The following GPSM2 variants were observed in gnomAD, a reference collection of about 807,000 sequenced individuals.
GPSM2 encodes G protein signaling modulator 2, also known as G protein-signaling modulator 2.
In GPSM2, 58 loss-of-function variants were observed where a neutral mutation model predicts 78.4. The ratio of observed to expected loss-of-function variants is 0.74; its 90% CI spans 0.60 to 0.92. The LOEUF is 0.92. GPSM2 is among the 40% of genes least tolerant of loss of function. GPSM2 has a pLI of 0.00. For missense variants in GPSM2, 700 were observed against 815.5 expected, an observed-to-expected ratio of 0.86 and a Z score of 1.73; for synonymous variants, 224 against 280.2, an observed-to-expected ratio of 0.80 and a Z score of 2.00.
At chr1:108,911,278 A>C (rs945922395) in intron 10 of GPSM2, among the ~76,000 whole-genome samples, 11 of 152,196 alleles carry the variant, frequency 7.2e-5, no homozygotes, top group Admixed American at 7.2e-4. Context: ...CTGTAATCCC[A>C]GCACTTTGGG....
intron 1 of GPSM2, among the ~76,000 whole-genome samples, chr1:108,880,364 G>T (rs1665831262): frequency 6.6e-6 from 1 of 152,196 alleles, no homozygotes; most frequent in Non-Finnish European, 1.5e-5. Context: ...AGGGGCCCAG[G>T]TGGGCGGATC....
intron 12 of GPSM2, among the ~76,000 whole-genome samples, chr1:108,919,097 T>G (rs899691673): frequency 4.6e-5 from 7 of 151,968 alleles, no homozygotes; most frequent in African/African-American, 1.7e-4. Flanking sequence ...GACCTCTGCC[T>G]CCCGGGTTCA....
In GPSM2 at chr1:108,897,092, A is replaced by C; in HGVS notation, c.278+7A>C. On this transcript the variant is annotated splice_region_variant and intron_variant, in intron 3 of 14. Coordinates refer to ENST00000264126, the MANE Select transcript of GPSM2 (RefSeq NM_013296.5). ...ATGATTTAACCCTTGCAAGGTAATT[A>C]ATTTAAGCTTTTAAATATTCTTCCT... is the stretch of plus-strand genomic sequence containing the variant. 1.9e-6 allele frequency: 3 copies of C among 1,552,684 alleles called. No homozygotes were observed. Among genetic ancestry groups the C allele is most frequent in the Non-Finnish European group, 2.7e-6 (3 of 1,125,430 alleles).
intron 1 of GPSM2, among the ~76,000 whole-genome samples, chr1:108,879,824 G>C (rs1466153726): frequency 6.6e-6 from 1 of 151,930 alleles, no homozygotes; most frequent in Non-Finnish European, 1.5e-5. Flanking sequence ...CAAAAAAAAA[G>C]GGGGGGCTGA....
intron 9 of GPSM2, among the ~76,000 whole-genome samples, chr1:108,903,683 G>A (rs1310341549): frequency 2.0e-5 from 3 of 152,122 alleles, no homozygotes; most frequent in South Asian, 2.1e-4. Flanking sequence ...GTGTTATAAC[G>A]ATTAGAGCTA....
At chr1:108,897,754 A>G (rs1186420417) in intron 4 of GPSM2, 127 bp downstream of exon 4, 20 of 1,014,588 alleles carry the variant, frequency 2.0e-5, no homozygotes, top group East Asian at 1.9e-4. Context: ...TTATAGACTA[A>G]TAGAAGTAAA....
rs1570914167 is a variant in GPSM2, at chr1:108,904,121, G to C, written c.1063-4G>C. On this transcript the variant is annotated splice_region_variant and splice_polypyrimidine_tract_variant and intron_variant, in intron 9 of 14. Transcript: ENST00000264126. ...ACTCTAAAATATAAATGTTTGTGTT[G>C]TAGGTTGGGGATAAAAGTGGTGAAC... is the stretch of plus-strand genomic sequence containing the variant. 1.9e-6 allele frequency: 3 copies of C among 1,586,592 alleles called. No homozygotes were observed. Among genetic ancestry groups the C allele is most frequent in the Non-Finnish European group, 2.6e-6 (3 of 1,156,292 alleles).
chr1:108,931,161 TAAAAACA>T lies in GPSM2; in HGVS notation c.*1232_*1238del, dbSNP rs919909064. 7.1e-6 allele frequency: 5 copies of T among 704,076 alleles called. No homozygotes were observed. The highest frequency in any genetic ancestry group is 5.5e-5 in the African/African-American group (3 of 54,704). 43.6% of individuals were successfully genotyped at this position (704,076 alleles called of 1,614,324 possible). ...AAACAAACTTTTCTAAGTTCTAATA[TAAAAACA>T]AAAAACAAAACCCATGTGGTTAGGT... On this transcript the variant is annotated 3_prime_UTR_variant, in exon 15 of 15. Transcript: ENST00000264126.
chr1:108,909,053 C>G (rs1649497213), intron 10 of GPSM2, among the ~76,000 whole-genome samples: 1 of 152,086 alleles, frequency 6.6e-6, no homozygotes, highest in Admixed American at 6.5e-5. Flanking sequence ...GTGGGAGGAT[C>G]ACTTGAGCCC....
At chr1:108,908,629 C>G (rs34679756) in intron 10 of GPSM2, among the ~76,000 whole-genome samples, 19,084 of 150,562 alleles carry the variant, frequency 0.13, 1,276 homozygotes, top group Middle Eastern at 0.16. Context: ...GAGCCGAGAT[C>G]GCGCCACTGC....
At chr1:108,918,033 C>G (rs371867194) in intron 11 of GPSM2, among the ~76,000 whole-genome samples, 1 of 152,178 alleles carries the variant, frequency 6.6e-6, no homozygotes, top group African/African-American at 2.4e-5. Context: ...CTGCAAATGT[C>G]AGAGCTATTG....
chr1:108,921,573 T>A (rs1308769215), intron 12 of GPSM2, among the ~76,000 whole-genome samples: 1 of 152,194 alleles, frequency 6.6e-6, no homozygotes, highest in Non-Finnish European at 1.5e-5. Flanking sequence ...TTATTTCACA[T>A]AGGATAAAGT....
At chr1:108,912,862 T>A (rs1454769539) in intron 10 of GPSM2, among the ~76,000 whole-genome samples, 1 of 115,512 alleles carries the variant, frequency 8.7e-6, no homozygotes, top group Non-Finnish European at 1.6e-5. Context: ...CTGGCCAACA[T>A]GGTGAAACCC....
Position 108,912,884 on chromosome 1 carries a change from T to TAA in GPSM2, c.1193-1443_1193-1442dup, listed in dbSNP as rs35443597. Reference sequence around the variant, plus strand: ...ACATGGTGAAACCCTGTCTCTACTTTAAAAAAAAAAAAGGGTGGGGGGGAC... The same window carrying TAA: ...ACATGGTGAAACCCTGTCTCTACTTTAAAAAAAAAAAAAAGGGTGGGGGGGAC... On this transcript the variant is annotated intron_variant, in intron 10 of 14. Coordinates refer to ENST00000264126, the MANE Select transcript of GPSM2 (RefSeq NM_013296.5). Among the ~76,000 whole-genome samples, 73 of 50,280 alleles carry TAA rather than the reference T, an allele frequency of 1.5e-3. 1 individual carries two copies. Among genetic ancestry groups the TAA allele is most frequent in the African/African-American group, 4.7e-3 (68 of 14,510 alleles). 33.0% of individuals were successfully genotyped at this position (50,280 alleles called of 152,430 possible). A position where few individuals can be genotyped will look rare whatever the true frequency, so the allele number is the denominator to read the frequency against.
intron 8 of GPSM2, 50 bp downstream of exon 8, chr1:108,901,995 A>G (rs1296375152): frequency 8.0e-7 from 1 of 1,251,842 alleles, no homozygotes; most frequent in East Asian, 2.3e-5. Flanking sequence ...TAGATGCATT[A>G]TTGAATCCCT....
chr1:108,918,736 G>C lies in GPSM2; in HGVS notation c.1387G>C (p.Val463Leu). The C allele has an allele frequency of 1.9e-6, 3 of 1,613,690 alleles. No individual in the cohort carries two copies. Among genetic ancestry groups the C allele is most frequent in the Non-Finnish European group, 2.5e-6 (3 of 1,179,660 alleles). ...KKYKTNSSTK[V>L]LQDASNSIDH... ...ATACAAAACGAATTCCTCCACTAAA[G>C]TTCTCCAAGATGCCAGTAATTCTAT... is the stretch of plus-strand genomic sequence containing the variant. Residue 463 changes from valine (V) to leucine (L), a missense_variant, in exon 12 of 15, where the codon GTT becomes CTT. Transcript: ENST00000264126.
intron 10 of GPSM2, among the ~76,000 whole-genome samples, chr1:108,907,404 G>T (rs940761884): frequency 2.0e-5 from 3 of 152,170 alleles, no homozygotes; most frequent in Admixed American, 2.0e-4. Flanking sequence ...AGACCAAATA[G>T]TTTCTGGGGG....
chr1:108,900,651 A>G (rs1235490297), intron 7 of GPSM2, among the ~76,000 whole-genome samples: 1 of 152,240 alleles, frequency 6.6e-6, no homozygotes. Flanking sequence ...GGTTCCAGAA[A>G]GATTTCTGAT....
intron 11 of GPSM2, among the ~76,000 whole-genome samples, chr1:108,917,590 AT>A (rs1388674679): frequency 8.8e-6 from 1 of 113,530 alleles, no homozygotes; most frequent in African/African-American, 3.2e-5. Context: ...AAAGCAACAA[AT>A]GTATACACAC....
Sources: gnomAD v4.1 joint callset for allele counts (sites outside exome capture counted in the v4.1 genomes callset) on GRCh38, gnomAD v4.1.1 for gene constraint, MANE v1.5 for transcripts, NCBI Gene and HGNC (gene_info 2026-07-23, HGNC 2026-07-21) for gene names.